Variants in WBP4 observed in about 807,000 individuals in gnomAD.
WBP4 encodes the protein WW domain binding protein 4.
In WBP4, 37 loss-of-function variants were observed where a neutral mutation model predicts 55.4. The ratio of observed to expected loss-of-function variants is 0.67; its 90% CI spans 0.51 to 0.88. WBP4 has a LOEUF of 0.88. WBP4 is among the 40% of genes least tolerant of loss of function. WBP4 has a pLI of 0.00. For missense variants in WBP4, 398 were observed against 420.8 expected (o/e 0.95, Z 0.47); for synonymous variants, 142 against 140.2 (o/e 1.01, Z -0.09).
At chr13:41,072,700 C>A in intron 6 of WBP4, 82 bp from the exon 7 acceptor site, 3 of 1,233,412 alleles carry the variant, frequency 2.4e-6, no homozygotes, top group Non-Finnish European at 3.5e-6. Flanking sequence ...GGAGGAGAGG[C>A]AAGGGTGGCT....
At chr13:41,062,185 C>T in intron 1 of WBP4, 1 of 956,222 alleles carries the variant, frequency 1.0e-6, no homozygotes, top group Non-Finnish European at 1.2e-6. Context: ...GGCTCAAGAA[C>T]AGTTTGTTTT....
At chr13:41,078,566 A>G (rs1393883977) in intron 8 of WBP4, among the ~76,000 whole-genome samples, 1 of 152,162 alleles carries the variant, frequency 6.6e-6, no homozygotes, top group African/African-American at 2.4e-5. Context: ...GGTGGCTCAC[A>G]CCTGTAATCC....
intron 8 of WBP4, 30 bp downstream of exon 8, chr13:41,076,267 A>G: frequency 7.7e-7 from 1 of 1,293,126 alleles, no homozygotes; most frequent in Non-Finnish European, 1.0e-6. Context: ...TCTTCACATC[A>G]AATTTTTTTT....
In WBP4 at chr13:41,072,796, C is replaced by A; in HGVS notation, c.501C>A (p.Thr167=). The part of the protein sequence containing the change: ...QGDLKKTAVK[T]VWVEGLSEDG... ...CCTCCTATTAGACAGCAGTGAAGAC[C>A]GTTTGGGTAGAAGGTTTAAGTGAAG... Residue 167 remains threonine (T), a synonymous_variant, in exon 7 of 10, where the codon ACC becomes ACA. Coordinates refer to ENST00000379487, the MANE Select transcript of WBP4 (RefSeq NM_007187.5). 1 of 1,613,154 alleles carries A rather than the reference C, an allele frequency of 6.2e-7. No homozygotes were observed. Among genetic ancestry groups the A allele is most frequent in the South Asian group, 1.1e-5 (1 of 90,956 alleles).
At chr13:41,073,894 ATACT>A (rs1452237455) in intron 7 of WBP4, among the ~76,000 whole-genome samples, 4 of 152,154 alleles carry the variant, frequency 2.6e-5, no homozygotes. Flanking sequence ...AGTTGCATAA[ATACT>A]TACGAAGCAT....
At chr13:41,065,471 T>C (rs1566208490) in intron 4 of WBP4, among the ~76,000 whole-genome samples, 184 bp downstream of exon 4, 1 of 152,170 alleles carries the variant, frequency 6.6e-6, no homozygotes, top group Non-Finnish European at 1.5e-5. Context: ...TGTTGTACTT[T>C]TAATGTTTTA....
chr13:41,061,660 C>T lies in WBP4; in HGVS notation c.-14C>T, dbSNP rs1566206252. ...GTGGAACCCTGGACGACTTGCAGAG[C>T]GGCTGGCGCAGTCATGTGAGTTGGG... On this transcript the variant is annotated 5_prime_UTR_variant, in exon 1 of 10. Coordinates refer to ENST00000379487, the MANE Select transcript of WBP4 (RefSeq NM_007187.5). 2 of 1,614,140 alleles carry T rather than the reference C, an allele frequency of 1.2e-6. No homozygotes were observed. Among genetic ancestry groups the T allele is most frequent in the Non-Finnish European group, 8.5e-7 (1 of 1,180,018 alleles).
At chr13:41,062,155 C>G in intron 1 of WBP4, 2 of 635,926 alleles carry the variant, frequency 3.1e-6, no homozygotes, top group Non-Finnish European at 3.7e-6. Context: ...CATGGCTTTT[C>G]CAGTTCTCTC....
At chr13:41,069,579 G>C (rs187513064) in intron 5 of WBP4, among the ~76,000 whole-genome samples, 3 of 151,426 alleles carry the variant, frequency 2.0e-5, no homozygotes, top group Admixed American at 2.0e-4. Context: ...GGAGAATGGC[G>C]TGAACCCAGG....
intron 5 of WBP4, 56 bp from the exon 6 acceptor site, chr13:41,071,471 G>T: frequency 6.6e-7 from 1 of 1,519,518 alleles, no homozygotes; most frequent in Non-Finnish European, 9.0e-7. Context: ...AAATTTTTTG[G>T]AAAGTATTTT....
intron 1 of WBP4, 139 bp downstream of exon 1, chr13:41,061,814 C>T: frequency 1.4e-6 from 2 of 1,411,164 alleles, no homozygotes; most frequent in Non-Finnish European, 1.9e-6. Flanking sequence ...CGGGACCGGC[C>T]CCAGACCTGC....
intron 7 of WBP4, among the ~76,000 whole-genome samples, 183 bp downstream of exon 7, chr13:41,073,040 G>A (rs1464539550): frequency 2.0e-5 from 3 of 152,072 alleles, no homozygotes; most frequent in Non-Finnish European, 2.9e-5. Flanking sequence ...ATTTATATTC[G>A]TATTATGTTG....
chr13:41,068,693 T>A lies in WBP4; in HGVS notation c.395T>A (p.Ile132Lys). Residue 132 changes from isoleucine (I) to lysine (K), a missense_variant, in exon 5 of 10, where the codon ATA (isoleucine) becomes AAA (lysine). Physicochemically the swap from Ile to Lys is moderately radical, Grantham distance 102 (BLOSUM62 -3). Transcript: ENST00000379487. ...TCAAAGGGCAGATGGGTAGAAGGCA[T>A]AACCTCTGAGGGTTACCATTACTAT... The part of the protein sequence containing the change: ...DPSKGRWVEG[I>K]TSEGYHYYYD... 1 of 1,612,802 alleles carries A rather than the reference T, an allele frequency of 6.2e-7. No individual in the cohort carries two copies. The highest frequency in any genetic ancestry group is 8.5e-7 in the Non-Finnish European group (1 of 1,179,590).
At position 41,082,829 on chromosome 13, in the gene WBP4, C is replaced by A; in HGVS notation, c.1046C>A (p.Ala349Glu). 6.2e-7 allele frequency: 1 copy of A among 1,614,008 alleles called. No homozygotes were observed. Among genetic ancestry groups the A allele is most frequent in the Non-Finnish European group, 8.5e-7 (1 of 1,180,004 alleles). ...ACAGTCACTTCTCTTGGAGTTATGG[C>A]AGATGGAGTGGCCCCAGTCTTCAAA... ...EKTVTSLGVM[A>E]DGVAPVFKKR... Residue 349 changes from alanine (A) to glutamate (E), a missense_variant, in exon 10 of 10, where the codon GCA (alanine) becomes GAA (glutamate). Coordinates refer to ENST00000379487, the MANE Select transcript of WBP4 (RefSeq NM_007187.5).
rs557360153 is a variant in WBP4, at chr13:41,077,823, G to A, written c.756+1586G>A. On this transcript the variant is annotated intron_variant, in intron 8 of 9. Transcript: ENST00000379487. ...CAAAATCACTGTACAAAAATCAGTA[G>A]CATTTCTGTATACCTATATCTATAT... Among the ~76,000 whole-genome samples the A allele has an allele frequency of 3.3e-5, 5 of 152,024 alleles. No homozygotes were observed. The East Asian group carries it at 9.7e-4, about 29-fold the overall frequency.
At chr13:41,071,491 A>G (rs1566210977) in intron 5 of WBP4, 36 bp from the exon 6 acceptor site, 1 of 1,573,586 alleles carries the variant, frequency 6.4e-7, no homozygotes, top group Non-Finnish European at 8.6e-7. Context: ...TTTTAAAGCA[A>G]AAAGATTTTA....
chr13:41,083,071 AT>A lies in WBP4; in HGVS notation c.*160del, dbSNP rs1245828606. ...TAAAATAAATATTTTTTCATGTGAA[AT>A]TTATTTTGGTTCCTAAAATGGAAGC... is the stretch of plus-strand genomic sequence containing the variant. On this transcript the variant is annotated 3_prime_UTR_variant, in exon 10 of 10. Transcript: ENST00000379487. The A allele has an allele frequency of 1.0e-5, 8 of 794,528 alleles. No homozygotes were observed. Among genetic ancestry groups the A allele is most frequent in the Non-Finnish European group, 1.5e-5 (8 of 525,548 alleles). The allele number at this position is 794,528 out of a possible 1,614,324, so 49.2% of individuals were successfully genotyped here.
At chr13:41,061,725 G>A (rs1435097348) in intron 1 of WBP4, 50 bp downstream of exon 1, 2 of 1,611,500 alleles carry the variant, frequency 1.2e-6, no homozygotes, top group Admixed American at 1.7e-5. Context: ...TCTCTGGGCC[G>A]CCCTTTCTCG....
intron 2 of WBP4, among the ~76,000 whole-genome samples, chr13:41,063,789 A>G (rs1400818544): frequency 6.6e-6 from 1 of 152,176 alleles, no homozygotes; most frequent in African/African-American, 2.4e-5. Context: ...AATCAACTTT[A>G]GGAAACGCAA....
Sources: allele counts gnomAD v4.1 joint callset (sites outside exome capture counted in the v4.1 genomes callset), GRCh38; gene constraint gnomAD v4.1.1; transcripts MANE v1.5; gene names NCBI Gene and HGNC (gene_info 2026-07-23, HGNC 2026-07-21).